Variants in SPAG16 observed in about 807,000 individuals in gnomAD.
The protein encoded by SPAG16 is sperm associated antigen 16.
SPAG16 carries 86 observed loss-of-function variants against 80.4 expected under a neutral mutation model. The ratio of observed to expected loss-of-function variants is 1.07; its 90% CI spans 0.90 to 1.28. The LOEUF (loss-of-function observed/expected upper bound fraction) is 1.28. Ranked by LOEUF, SPAG16 falls within the 50% of genes most tolerant of loss-of-function variation. SPAG16 has a pLI of 0.00. For synonymous variants in SPAG16, 294 were observed against 265.9 expected (o/e 1.11, Z -1.03); for missense variants, 870 against 765.3 (o/e 1.14, Z -1.61).
chr2:213,477,207 G>T (rs1455146062), intron 9 of SPAG16, among the ~76,000 whole-genome samples: 1 of 152,138 alleles, frequency 6.6e-6, no homozygotes, highest in East Asian at 1.9e-4. Context: ...CAGTTTTCAG[G>T]CTTTAGGCTA....
At chr2:213,379,018 A>G (rs2067031691) in intron 9 of SPAG16, among the ~76,000 whole-genome samples, 1 of 152,172 alleles carries the variant, frequency 6.6e-6, no homozygotes, top group South Asian at 2.1e-4. Flanking sequence ...TAGCCTGTTG[A>G]CTTAAAGGTA....
chr2:213,390,836 A>T (rs1355416804), intron 9 of SPAG16, among the ~76,000 whole-genome samples: 1 of 127,452 alleles, frequency 7.8e-6, no homozygotes, highest in African/African-American at 2.8e-5. Flanking sequence ...CATGTTATAT[A>T]CAAATGGCTT....
intron 10 of SPAG16, among the ~76,000 whole-genome samples, chr2:213,573,331 C>G (rs1024032286): frequency 2.6e-5 from 4 of 152,176 alleles, no homozygotes; most frequent in African/African-American, 7.2e-5. Flanking sequence ...TTCTAATTAC[C>G]TAGAACAATC....
chr2:213,743,877 A>G (rs1331077454), intron 10 of SPAG16, among the ~76,000 whole-genome samples: 1 of 151,182 alleles, frequency 6.6e-6, no homozygotes, highest in African/African-American at 2.4e-5. Flanking sequence ...ATGTGTTAGA[A>G]CTCAATCTGT....
chr2:214,009,920 G>T (rs533597292), intron 12 of SPAG16, among the ~76,000 whole-genome samples: 44 of 151,752 alleles, frequency 2.9e-4, no homozygotes, highest in Non-Finnish European at 5.7e-4. Context: ...ATTTTATAAA[G>T]AATTGCAAAA....
chr2:213,777,052 A>G (rs2069633968), intron 10 of SPAG16, among the ~76,000 whole-genome samples: 1 of 152,038 alleles, frequency 6.6e-6, no homozygotes, highest in African/African-American at 2.4e-5. Flanking sequence ...AAAATGTCAT[A>G]GGTTTCTTTG....
intron 13 of SPAG16, among the ~76,000 whole-genome samples, chr2:214,028,957 A>G (rs2048273651): frequency 6.6e-6 from 1 of 152,018 alleles, no homozygotes; most frequent in Admixed American, 6.6e-5. Flanking sequence ...TTTAAAGACT[A>G]AAGTCTCTGC....
At chr2:214,012,447 C>CA (rs2047359902) in intron 12 of SPAG16, among the ~76,000 whole-genome samples, 1 of 150,692 alleles carries the variant, frequency 6.6e-6, no homozygotes, top group Non-Finnish European at 1.5e-5. Flanking sequence ...AGGCATATGC[C>CA]GCCACGTCAG....
chr2:214,053,350 G>C (rs1226540560), intron 13 of SPAG16, among the ~76,000 whole-genome samples: 1 of 152,106 alleles, frequency 6.6e-6, no homozygotes, highest in African/African-American at 2.4e-5. Flanking sequence ...TTAGAACCAA[G>C]ATTGTCTTTG....
chr2:213,923,449 T>G (rs914904721), intron 11 of SPAG16, among the ~76,000 whole-genome samples: 1 of 152,186 alleles, frequency 6.6e-6, no homozygotes, highest in African/African-American at 2.4e-5. Flanking sequence ...CAGCAAGTGT[T>G]GCCTGCCTTG....
intron 15 of SPAG16, among the ~76,000 whole-genome samples, chr2:214,207,004 T>C (rs542127658): frequency 9.2e-5 from 14 of 152,306 alleles, no homozygotes; most frequent in Non-Finnish European, 1.8e-4. Flanking sequence ...CTCAACCTCA[T>C]TAAAGTTGAT....
At chr2:213,456,001 C>G (rs1040143572) in intron 9 of SPAG16, among the ~76,000 whole-genome samples, 2 of 152,208 alleles carry the variant, frequency 1.3e-5, no homozygotes, top group Admixed American at 6.5e-5. Context: ...ATAAGCTTGT[C>G]CATTCCCCAA....
chr2:214,408,994 A>G (rs1702152925), intron 15 of SPAG16, among the ~76,000 whole-genome samples: 1 of 151,418 alleles, frequency 6.6e-6, no homozygotes, highest in Non-Finnish European at 1.5e-5. Context: ...AGTTAATACT[A>G]TTAATACTAA....
At position 213,303,531 on chromosome 2, in the gene SPAG16, C is replaced by T. The variant is rs139537256; in HGVS notation, c.279+6174C>T. ...TTTTTGTACCCATTAACCATCCCCT[C>T]TCCCCTCCCCAGCCTCTGGTAATTA... On this transcript the variant is annotated intron_variant, in intron 3 of 15. Coordinates refer to ENST00000331683, the MANE Select transcript of SPAG16 (RefSeq NM_024532.5). Among the ~76,000 whole-genome samples, 95 of 152,054 alleles carry T rather than the reference C, an allele frequency of 6.2e-4. No homozygotes were observed. In the East Asian group the frequency reaches 0.018, roughly 28 times the overall value.
chr2:214,111,572 C>T (rs747047549), intron 14 of SPAG16, among the ~76,000 whole-genome samples: 2 of 152,172 alleles, frequency 1.3e-5, no homozygotes, highest in Non-Finnish European at 2.9e-5. Flanking sequence ...CGTGATGCCT[C>T]CAGCTTTGTT....
intron 3 of SPAG16, among the ~76,000 whole-genome samples, chr2:213,308,304 G>T (rs1266367197): frequency 6.6e-6 from 1 of 151,862 alleles, no homozygotes; most frequent in Non-Finnish European, 1.5e-5. Context: ...TTCATTTGTT[G>T]CTTGCTGAAA....
intron 12 of SPAG16, among the ~76,000 whole-genome samples, chr2:213,984,812 C>A (rs115197299): frequency 0.014 from 2,077 of 152,132 alleles, 53 homozygotes; most frequent in African/African-American, 0.047. Context: ...ACGCCACTAG[C>A]CTCTGCAGCT....
chr2:213,685,981 AGT>A (rs1215992040), intron 10 of SPAG16, among the ~76,000 whole-genome samples: 2 of 152,246 alleles, frequency 1.3e-5, no homozygotes, highest in Non-Finnish European at 2.9e-5. Context: ...ATGTTTAAAA[AGT>A]GTGAAATTTA....
At chr2:213,915,328 G>A (rs190566820) in intron 11 of SPAG16, among the ~76,000 whole-genome samples, 96 of 150,482 alleles carry the variant, frequency 6.4e-4, no homozygotes, top group African/African-American at 1.9e-3. Flanking sequence ...CCCTCCCTGC[G>A]TCCATGTGTT....
Sources: allele counts gnomAD v4.1 joint callset (sites outside exome capture counted in the v4.1 genomes callset), GRCh38; gene constraint gnomAD v4.1.1; transcripts MANE v1.5; gene names NCBI Gene and HGNC (gene_info 2026-07-23, HGNC 2026-07-21).